AKAP6: variants seen among roughly 807,000 people sequenced by gnomAD.
The protein encoded by AKAP6 is A-kinase anchor protein 6.
In AKAP6, 58 loss-of-function variants were observed where a neutral mutation model predicts 188.5. That is an observed-to-expected ratio of 0.31 (90% CI 0.25 to 0.38). AKAP6 has a LOEUF of 0.38. AKAP6 is among the 10% of genes least tolerant of loss of function. The pLI is 1.00. For missense variants in AKAP6, 2,710 were observed against 2,740.0 expected (o/e 0.99, Z 0.24); for synonymous variants, 989 against 998.6 (o/e 0.99, Z 0.18).
intron 1 of AKAP6, among the ~76,000 whole-genome samples, chr14:32,426,266 G>A (rs1566495959): frequency 6.6e-6 from 1 of 152,268 alleles, no homozygotes; most frequent in East Asian, 1.9e-4. Flanking sequence ...TGTTGGTGCA[G>A]TAGGTGTGAG....
intron 2 of AKAP6, among the ~76,000 whole-genome samples, chr14:32,452,011 A>ATTTTTTTTTTTTTTTTTTTTTTTTTTTT: frequency 1.5e-5 from 1 of 66,194 alleles, no homozygotes; most frequent in Admixed American, 2.3e-4. Context: ...TTTTCTTTAC[A>ATTTTTTTTTTTTTTTTTTTTTTTTTTTT]TTTTTTTTTT....
intron 10 of AKAP6, 188 bp downstream of exon 10, chr14:32,732,788 T>C: frequency 1.5e-6 from 1 of 676,720 alleles, no homozygotes. Context: ...TTTTTTTTTT[T>C]CTGAGCTTGT....
intron 13 of AKAP6, among the ~76,000 whole-genome samples, chr14:32,828,377 C>T (rs2034728649): frequency 1.3e-5 from 2 of 152,170 alleles, no homozygotes; most frequent in Non-Finnish European, 2.9e-5. Flanking sequence ...ATCAAACTTA[C>T]CTTTAAAATC....
intron 12 of AKAP6, among the ~76,000 whole-genome samples, chr14:32,818,460 T>C (rs2034441570): frequency 6.6e-6 from 1 of 152,074 alleles, no homozygotes; most frequent in South Asian, 2.1e-4. Flanking sequence ...TTAGTTACAG[T>C]AGTTCATACA....
At chr14:32,524,329 G>A (rs1049419921) in intron 2 of AKAP6, among the ~76,000 whole-genome samples, 3 of 152,194 alleles carry the variant, frequency 2.0e-5, no homozygotes, top group Admixed American at 1.3e-4. Flanking sequence ...GGCGGAAGCA[G>A]TTCTGGGGTG....
At chr14:32,509,477 GTCTTA>G (rs890821810) in intron 2 of AKAP6, among the ~76,000 whole-genome samples, 4 of 151,838 alleles carry the variant, frequency 2.6e-5, no homozygotes, top group Admixed American at 2.0e-4. Context: ...TTAGTTTTTT[GTCTTA>G]TCTTTTCTAA....
intron 2 of AKAP6, among the ~76,000 whole-genome samples, chr14:32,452,938 T>C (rs1890988333): frequency 6.6e-6 from 1 of 152,236 alleles, no homozygotes; most frequent in Non-Finnish European, 1.5e-5. Context: ...TACTGTCACG[T>C]ATAGTATTCA....
intron 13 of AKAP6, among the ~76,000 whole-genome samples, chr14:32,826,857 C>T (rs1012691578): frequency 6.6e-6 from 1 of 152,098 alleles, no homozygotes; most frequent in African/African-American, 2.4e-5. Context: ...TTGTTAAGCC[C>T]CGGTGATGCC....
At chr14:32,679,501 C>A (rs1380633809) in intron 8 of AKAP6, among the ~76,000 whole-genome samples, 1 of 152,096 alleles carries the variant, frequency 6.6e-6, no homozygotes, top group Non-Finnish European at 1.5e-5. Flanking sequence ...AGGAAAGAGG[C>A]CTTTTCATGC....
chr14:32,805,443 G>A (rs1594965071), intron 12 of AKAP6, among the ~76,000 whole-genome samples: 2 of 152,150 alleles, frequency 1.3e-5, no homozygotes, highest in Middle Eastern at 3.4e-3. Flanking sequence ...GGTGGGGAAG[G>A]GGAGACCTGG....
intron 8 of AKAP6, among the ~76,000 whole-genome samples, chr14:32,694,947 G>T (rs1249233664): frequency 6.6e-6 from 1 of 152,122 alleles, no homozygotes. Flanking sequence ...AATTTCACAA[G>T]ACTGTAGGAT....
At chr14:32,395,806 TG>T (rs1367818783) in intron 1 of AKAP6, among the ~76,000 whole-genome samples, 2 of 152,324 alleles carry the variant, frequency 1.3e-5, no homozygotes, top group Admixed American at 1.3e-4. Context: ...ATATATAGTG[TG>T]GGCATACTTC....
At chr14:32,818,333 C>CCACA (rs113762900) in intron 12 of AKAP6, among the ~76,000 whole-genome samples, 1 of 151,358 alleles carries the variant, frequency 6.6e-6, no homozygotes, top group African/African-American at 2.4e-5. Flanking sequence ...TCCTTCCCCA[C>CCACA]CACACACACA....
intron 1 of AKAP6, among the ~76,000 whole-genome samples, chr14:32,401,799 C>T (rs1360838198): frequency 1.3e-5 from 2 of 152,170 alleles, no homozygotes; most frequent in Non-Finnish European, 2.9e-5. Context: ...CTCTGTGCTA[C>T]TGTGTTGTAT....
At chr14:32,536,656 T>C (rs930384158) in intron 3 of AKAP6, among the ~76,000 whole-genome samples, 1 of 152,238 alleles carries the variant, frequency 6.6e-6, no homozygotes, top group Non-Finnish European at 1.5e-5. Flanking sequence ...ACAAAATATA[T>C]TTGATTTTTC....
At chr14:32,555,114 G>A (rs2139187248) in intron 4 of AKAP6, among the ~76,000 whole-genome samples, 1 of 152,282 alleles carries the variant, frequency 6.6e-6, no homozygotes, top group Admixed American at 6.5e-5. Flanking sequence ...GGATGTCCTT[G>A]CACATAAGTT....
At chr14:32,606,802 A>G (rs544384066) in intron 7 of AKAP6, among the ~76,000 whole-genome samples, 2 of 152,190 alleles carry the variant, frequency 1.3e-5, no homozygotes, top group African/African-American at 4.8e-5. Context: ...AAGGTCATCA[A>G]TGTTATCTGT....
intron 7 of AKAP6, among the ~76,000 whole-genome samples, chr14:32,640,916 T>C (rs1887727690): frequency 6.6e-6 from 1 of 152,176 alleles, no homozygotes; most frequent in Non-Finnish European, 1.5e-5. Context: ...GTAAAATACA[T>C]AAGTGAGGAA....
intron 5 of AKAP6, among the ~76,000 whole-genome samples, chr14:32,583,699 C>T (rs1885091338): frequency 6.6e-6 from 1 of 152,206 alleles, no homozygotes; most frequent in African/African-American, 2.4e-5. Flanking sequence ...CTCCCCCAGC[C>T]TCGCTGCTGC....
Sources: gnomAD v4.1 joint callset for allele counts (sites outside exome capture counted in the v4.1 genomes callset) on GRCh38, gnomAD v4.1.1 for gene constraint, MANE v1.5 for transcripts, NCBI Gene and HGNC (gene_info 2026-07-23, HGNC 2026-07-21) for gene names.